NHSL1: variants seen among roughly 807,000 people sequenced by gnomAD.
NHSL1 encodes the protein NHS like 1, also known as NHS-like protein 1.
NHSL1 carries 48 observed loss-of-function variants against 95.0 expected under a neutral mutation model. The ratio of observed to expected loss-of-function variants is 0.51; its 90% CI spans 0.40 to 0.64. NHSL1 has a LOEUF of 0.64. NHSL1 is among the 30% of genes least tolerant of loss of function. The pLI, the probability that NHSL1 is intolerant of heterozygous loss-of-function variation, is 0.00. For synonymous variants in NHSL1, 783 were observed against 833.9 expected, an observed-to-expected ratio of 0.94 and a Z score of 1.05; for missense variants, 1,971 against 2,077.7, an observed-to-expected ratio of 0.95 and a Z score of 1.00.
At chr6:138,664,082 G>A (rs1386874217) in intron 1 of NHSL1, among the ~76,000 whole-genome samples, 3 of 152,132 alleles carry the variant, frequency 2.0e-5, no homozygotes, top group Admixed American at 6.6e-5. Context: ...AAACAAATGC[G>A]GATTAGATAA....
intron 5 of NHSL1, 95 bp from the exon 6 acceptor site, chr6:138,433,775 T>G (rs1024649912): frequency 1.0e-5 from 14 of 1,396,304 alleles, no homozygotes; most frequent in African/African-American, 2.9e-5. Context: ...TTAAAAAAAT[T>G]TTTCTATTTG....
intron 2 of NHSL1, among the ~76,000 whole-genome samples, chr6:138,488,550 T>C (rs757412509): frequency 2.0e-5 from 3 of 152,238 alleles, no homozygotes; most frequent in Non-Finnish European, 2.9e-5. Context: ...AGAATGGTTA[T>C]AGATATTAAT....
intron 3 of NHSL1, 40 bp downstream of exon 3, chr6:138,473,266 G>A (rs1583251546): frequency 3.4e-6 from 5 of 1,471,688 alleles, no homozygotes; most frequent in Middle Eastern, 2.3e-4. Flanking sequence ...CTCTGTTCTG[G>A]GACCCAACCC....
intron 1 of NHSL1, among the ~76,000 whole-genome samples, chr6:138,542,798 C>G (rs1562360139): frequency 6.6e-6 from 1 of 152,140 alleles, no homozygotes; most frequent in Non-Finnish European, 1.5e-5. Flanking sequence ...GGGTCTCACT[C>G]TATTGCCCAG....
chr6:138,556,667 T>C (rs1343806516), intron 1 of NHSL1, among the ~76,000 whole-genome samples: 1 of 151,640 alleles, frequency 6.6e-6, no homozygotes, highest in Non-Finnish European at 1.5e-5. Context: ...CATTAACAAA[T>C]TCATGGAAAA....
At chr6:138,435,815 T>C (rs1776056870) in intron 5 of NHSL1, among the ~76,000 whole-genome samples, 1 of 152,118 alleles carries the variant, frequency 6.6e-6, no homozygotes, top group South Asian at 2.1e-4. Context: ...TCTAACATGC[T>C]TACTGTGTGT....
chr6:138,482,222 C>T (rs542371791), intron 2 of NHSL1, among the ~76,000 whole-genome samples: 31 of 152,182 alleles, frequency 2.0e-4, no homozygotes, highest in East Asian at 7.7e-4. Context: ...CCAAGGCGGG[C>T]GGATCACAAG....
chr6:138,612,293 T>C (rs1243679939), intron 1 of NHSL1, among the ~76,000 whole-genome samples: 3 of 152,094 alleles, frequency 2.0e-5, no homozygotes, highest in Non-Finnish European at 2.9e-5. Context: ...CTCACACATA[T>C]GTACAGAAAC....
At chr6:138,635,344 T>C (rs1227423520) in intron 1 of NHSL1, among the ~76,000 whole-genome samples, 1 of 152,030 alleles carries the variant, frequency 6.6e-6, no homozygotes, top group African/African-American at 2.4e-5. Flanking sequence ...AAATCAGATA[T>C]GAAAAATGAG....
At chr6:138,647,340 T>TGATGTTTC (rs1283499269) in intron 1 of NHSL1, among the ~76,000 whole-genome samples, 1 of 152,206 alleles carries the variant, frequency 6.6e-6, no homozygotes, top group African/African-American at 2.4e-5. Flanking sequence ...ACAATTATCT[T>TGATGTTTC]GATGTTTCTT....
intron 3 of NHSL1, among the ~76,000 whole-genome samples, chr6:138,459,455 A>G (rs1777852799): frequency 6.6e-6 from 1 of 152,204 alleles, no homozygotes; most frequent in South Asian, 2.1e-4. Flanking sequence ...ATACCTTACT[A>G]TATCATTGAA....
chr6:138,611,032 C>G (rs1478116202), intron 1 of NHSL1, among the ~76,000 whole-genome samples: 2 of 151,456 alleles, frequency 1.3e-5, no homozygotes, highest in Admixed American at 6.6e-5. Context: ...AAGCTGAGAT[C>G]GCACCACTGC....
At chr6:138,439,194 G>A (rs1318501585) in intron 5 of NHSL1, among the ~76,000 whole-genome samples, 1 of 152,038 alleles carries the variant, frequency 6.6e-6, no homozygotes, top group African/African-American at 2.4e-5. Context: ...GTACCTCTCT[G>A]GTTAGATTTT....
intron 4 of NHSL1, among the ~76,000 whole-genome samples, chr6:138,443,234 A>G (rs1251459144): frequency 6.6e-6 from 1 of 152,218 alleles, no homozygotes; most frequent in Admixed American, 6.5e-5. Flanking sequence ...CAAAACAGAG[A>G]ATAAAACATC....
At chr6:138,657,160 T>C (rs1583468585) in intron 1 of NHSL1, among the ~76,000 whole-genome samples, 1 of 152,140 alleles carries the variant, frequency 6.6e-6, no homozygotes, top group Non-Finnish European at 1.5e-5. Context: ...TTTCCTCATG[T>C]AACAGAACGT....
intron 1 of NHSL1, among the ~76,000 whole-genome samples, chr6:138,634,362 A>G (rs1452256745): frequency 6.6e-6 from 1 of 152,212 alleles, no homozygotes; most frequent in Admixed American, 6.5e-5. Context: ...AATGGATAGA[A>G]AAAGATATTC....
intron 1 of NHSL1, among the ~76,000 whole-genome samples, chr6:138,559,451 G>C (rs9495130): frequency 0.061 from 9,334 of 152,256 alleles, 944 homozygotes; most frequent in African/African-American, 0.21. Context: ...GCGCAGAGGG[G>C]AACTCAGAAA....
At chr6:138,575,062 G>A (rs1783947194), upstream of NHSL1, among the ~76,000 whole-genome samples, 1 of 151,918 alleles carries the variant, frequency 6.6e-6, no homozygotes, top group Non-Finnish European at 1.5e-5. Flanking sequence ...ACCACACCCA[G>A]CTAATTTTGT....
Position 138,539,920 on chromosome 6 carries a change from A to C in NHSL1, c.16+5703T>G, listed in dbSNP as rs540331376. Among the ~76,000 whole-genome samples, 98 of 152,340 alleles carry C rather than the reference A, an allele frequency of 6.4e-4. 1 individual carries two copies. Among genetic ancestry groups the C allele is most frequent in the Middle Eastern group, 6.8e-3 (2 of 294 alleles). ...CTACTGCAACAGATTTAAGAAACAG[A>C]TTTTGACTACTCATGGAAGGAAAAA... On this transcript the variant is annotated intron_variant, in intron 1 of 4. Coordinates refer to the NHSL1 transcript ENST00000342260.
Sources: gnomAD v4.1 joint callset for allele counts (sites outside exome capture counted in the v4.1 genomes callset) on GRCh38, gnomAD v4.1.1 for gene constraint, MANE v1.5 for transcripts, NCBI Gene and HGNC (gene_info 2026-07-23, HGNC 2026-07-21) for gene names.